The following NTM variants were observed in gnomAD, a reference collection of about 807,000 sequenced individuals.
NTM encodes the protein IgLON family member 2.
A neutral mutation model predicts 42.1 loss-of-function variants in NTM; 13 were observed. The observed-to-expected ratio is 0.31, with a 90% CI of 0.20 to 0.49. The LOEUF is 0.49. Among genes scored for constraint, NTM ranks in the 20% least tolerant of loss-of-function variants. The probability of loss-of-function intolerance (pLI) is 0.99; values close to 1 mark genes in which losing one functional copy is unlikely to be tolerated. For synonymous variants in NTM, 187 were observed against 179.2 expected (o/e 1.04, Z -0.35); for missense variants, 373 against 452.8 (o/e 0.82, Z 1.60).
At chr11:132,091,242 A>G (rs1482944737) in intron 2 of NTM, among the ~76,000 whole-genome samples, 1 of 151,780 alleles carries the variant, frequency 6.6e-6, no homozygotes, top group Non-Finnish European at 1.5e-5. Context: ...ATACATACAC[A>G]CATACAAAAA....
chr11:132,329,645 G>T (rs531969761), intron 7 of NTM, among the ~76,000 whole-genome samples: 15 of 152,354 alleles, frequency 9.8e-5, no homozygotes, highest in African/African-American at 3.6e-4. Context: ...CTAAATGCCA[G>T]TTAAACTTTT....
At chr11:132,043,716 C>T (rs1192708558) in intron 2 of NTM, among the ~76,000 whole-genome samples, 1 of 152,206 alleles carries the variant, frequency 6.6e-6, no homozygotes, top group Non-Finnish European at 1.5e-5. Context: ...CAAGCCACAG[C>T]ATCAGGCTTC....
intron 1 of NTM, among the ~76,000 whole-genome samples, chr11:131,447,469 G>T (rs1380984638): frequency 6.6e-6 from 1 of 152,144 alleles, no homozygotes; most frequent in African/African-American, 2.4e-5. Flanking sequence ...GGCCGTGCAG[G>T]CTGGGGCTGC....
intron 1 of NTM, among the ~76,000 whole-genome samples, chr11:131,421,156 C>T (rs1221134835): frequency 7.2e-5 from 11 of 152,224 alleles, no homozygotes; most frequent in African/African-American, 1.2e-4. Context: ...CAAGAAATCA[C>T]GCATTTGACC....
chr11:131,820,357 G>A (rs2093133758), intron 1 of NTM, among the ~76,000 whole-genome samples: 1 of 152,162 alleles, frequency 6.6e-6, no homozygotes, highest in South Asian at 2.1e-4. Context: ...CCTGCTCCAT[G>A]TCTTAACTCC....
intron 1 of NTM, among the ~76,000 whole-genome samples, chr11:131,380,188 A>G (rs1046755873): frequency 6.6e-6 from 1 of 150,400 alleles, no homozygotes; most frequent in Non-Finnish European, 1.5e-5. Context: ...CTGAATTCAA[A>G]GTTCAGTACC....
intron 4 of NTM, among the ~76,000 whole-genome samples, chr11:132,263,701 A>G (rs554259456): frequency 6.6e-6 from 1 of 152,312 alleles, no homozygotes; most frequent in African/African-American, 2.4e-5. Flanking sequence ...CACATTGCTT[A>G]GAAAGTTCCT....
At chr11:131,858,914 G>A (rs1238245099) in intron 1 of NTM, among the ~76,000 whole-genome samples, 1 of 152,176 alleles carries the variant, frequency 6.6e-6, no homozygotes, top group African/African-American at 2.4e-5. Context: ...TGTTTTAAAT[G>A]CGGAAGTAGC....
chr11:131,453,410 T>A (rs1027251624), intron 1 of NTM, among the ~76,000 whole-genome samples: 1 of 152,124 alleles, frequency 6.6e-6, no homozygotes, highest in Non-Finnish European at 1.5e-5. Flanking sequence ...AGTAACTACT[T>A]GGTACCAACA....
chr11:131,731,787 C>T (rs2079724647), intron 1 of NTM, among the ~76,000 whole-genome samples: 1 of 152,178 alleles, frequency 6.6e-6, no homozygotes, highest in Non-Finnish European at 1.5e-5. Context: ...GGAGAAAGGG[C>T]CTCCTCAGCG....
At chr11:131,855,865 C>T (rs773436605) in intron 1 of NTM, among the ~76,000 whole-genome samples, 12 of 152,180 alleles carry the variant, frequency 7.9e-5, no homozygotes, top group Non-Finnish European at 1.5e-4. Context: ...TGTGCTGGAT[C>T]AATCCTCCAT....
intron 2 of NTM, among the ~76,000 whole-genome samples, chr11:132,107,501 A>C (rs913101952): frequency 6.6e-6 from 1 of 150,860 alleles, no homozygotes; most frequent in African/African-American, 2.4e-5. Flanking sequence ...GAGGTGCACC[A>C]CTATGCCTGG....
intron 4 of NTM, among the ~76,000 whole-genome samples, chr11:132,218,925 A>C (rs544644522): frequency 6.6e-6 from 1 of 152,282 alleles, no homozygotes; most frequent in African/African-American, 2.4e-5. Flanking sequence ...ATTCCCTTGC[A>C]CTACTCACTG....
At chr11:131,804,058 G>A (rs1265531181) in intron 1 of NTM, among the ~76,000 whole-genome samples, 2 of 152,060 alleles carry the variant, frequency 1.3e-5, no homozygotes, top group African/African-American at 4.8e-5. Flanking sequence ...TGTCTCTCAG[G>A]CCTGCTGATC....
intron 1 of NTM, among the ~76,000 whole-genome samples, chr11:131,588,795 A>G (rs1472104626): frequency 1.3e-5 from 2 of 152,214 alleles, no homozygotes; most frequent in Non-Finnish European, 2.9e-5. Context: ...ATTACATGTA[A>G]ATATTAACTC....
intron 4 of NTM, among the ~76,000 whole-genome samples, chr11:132,239,737 G>GGT (rs2089820684): frequency 6.6e-6 from 1 of 152,046 alleles, no homozygotes; most frequent in Non-Finnish European, 1.5e-5. Context: ...AAGTGTGAGG[G>GGT]GTGTGTGTGC....
At chr11:131,887,969 T>G (rs1027581346) in intron 1 of NTM, among the ~76,000 whole-genome samples, 1 of 152,200 alleles carries the variant, frequency 6.6e-6, no homozygotes, top group Non-Finnish European at 1.5e-5. Context: ...GGAGCCATGA[T>G]TGAAATCTCA....
chr11:131,686,216 G>C (rs1462584499), intron 1 of NTM, among the ~76,000 whole-genome samples: 3 of 152,196 alleles, frequency 2.0e-5, no homozygotes, highest in Middle Eastern at 3.2e-3. Context: ...TGCGGTGGTT[G>C]GGGGTGCCGA....
rs116836484 is a variant in NTM at position 131,478,950 on chromosome 11, G to A, written c.82+108062G>A. Reference sequence around the variant, plus strand: ...GTTGGGAATAAAATGTGGGTTCCACGCAGCTCCAGGACTTGAGGAGCTTGG... The same window carrying A: ...GTTGGGAATAAAATGTGGGTTCCACACAGCTCCAGGACTTGAGGAGCTTGG... On this transcript the variant is annotated intron_variant, in intron 1 of 8. Coordinates refer to ENST00000683400, the MANE Select transcript of NTM (RefSeq NM_001352005.2). 5.4e-3 allele frequency among the ~76,000 whole-genome samples: 817 copies of A among 152,286 alleles called. 5 individuals are homozygous for A. The highest frequency in any genetic ancestry group is 0.018 in the African/African-American group (755 of 41,558).
Sources: gnomAD v4.1 joint callset for allele counts (sites outside exome capture counted in the v4.1 genomes callset) on GRCh38, gnomAD v4.1.1 for gene constraint, MANE v1.5 for transcripts, NCBI Gene and HGNC (gene_info 2026-07-23, HGNC 2026-07-21) for gene names.